MPP4: variants seen among roughly 807,000 people sequenced by gnomAD.
MPP4 encodes the protein MAGUK p55 scaffold protein 4.
A neutral mutation model predicts 98.3 loss-of-function variants in MPP4; 91 were observed. The observed-to-expected ratio is 0.93, with a 90% confidence interval of 0.78 to 1.10. MPP4 has a LOEUF of 1.10. Among genes scored for constraint, MPP4 ranks in the 50% least tolerant of loss-of-function variants. The pLI is 0.00. For synonymous variants in MPP4, 261 were observed against 271.8 expected (o/e 0.96, Z 0.39); for missense variants, 744 against 792.9 (o/e 0.94, Z 0.74).
chr2:201,657,159 G>A (rs1687868565), intron 16 of MPP4, among the ~76,000 whole-genome samples: 2 of 152,222 alleles, frequency 1.3e-5, no homozygotes, highest in African/African-American at 2.4e-5. Flanking sequence ...AGTGGTCTGG[G>A]TGGGAGATGA....
chr2:201,659,276 C>G (rs1687954294), intron 15 of MPP4, among the ~76,000 whole-genome samples: 1 of 151,964 alleles, frequency 6.6e-6, no homozygotes, highest in Admixed American at 6.6e-5. Context: ...TTTATTTTCT[C>G]CCTCTTAAAA....
intron 12 of MPP4, 114 bp downstream of exon 12, chr2:201,669,619 A>G (rs1688283836): frequency 4.3e-6 from 2 of 462,522 alleles, no homozygotes; most frequent in Admixed American, 4.4e-5. Context: ...ACTACTAGGT[A>G]TATAGGAAGA....
intron 11 of MPP4, chr2:201,673,475 T>C: frequency 5.4e-6 from 1 of 184,406 alleles, no homozygotes; most frequent in Non-Finnish European, 1.1e-5. Context: ...ATGTAGATAA[T>C]GGGTTAATAG....
At chr2:201,651,540 A>T in intron 18 of MPP4, 2 of 985,438 alleles carry the variant, frequency 2.0e-6, no homozygotes, top group Non-Finnish European at 2.4e-6. Context: ...TTAAAACCTC[A>T]ATTTAAAAAG....
At chr2:201,672,276 T>C (rs1688363661) in intron 11 of MPP4, among the ~76,000 whole-genome samples, 3 of 152,188 alleles carry the variant, frequency 2.0e-5, no homozygotes, top group South Asian at 4.1e-4. Flanking sequence ...GAGCACTAAA[T>C]GCCCACAGGA....
intron 10 of MPP4, among the ~76,000 whole-genome samples, chr2:201,677,623 A>G (rs1474666471): frequency 6.6e-6 from 1 of 152,180 alleles, no homozygotes; most frequent in Non-Finnish European, 1.5e-5. Flanking sequence ...CACTATTCCT[A>G]AGCACAATGC....
In MPP4 at chr2:201,682,898, T is replaced by C. The variant is rs1328257192; in HGVS notation, c.593A>G (p.Asp198Gly). ...AACTCCATTCACTTCTACCAGTTTG[T>C]CTCCAGCATATAGCAACCCTAGGCA... ...AERSGLLYAG[D>G]KLVEVNGVSV... Residue 198 changes from aspartate (D) to glycine (G), a missense_variant, in exon 8 of 22, where the codon GAC becomes GGC. Coordinates refer to ENST00000409474, the MANE Select transcript of MPP4 (RefSeq NM_033066.3). 6.2e-7 allele frequency: 1 copy of C among 1,613,596 alleles called. No homozygotes were observed. Among genetic ancestry groups the C allele is most frequent in the Non-Finnish European group, 8.5e-7 (1 of 1,179,810 alleles).
intron 13 of MPP4, 151 bp from the exon 14 acceptor site, chr2:201,664,252 T>C: frequency 1.3e-6 from 2 of 1,487,628 alleles, no homozygotes; most frequent in East Asian, 2.7e-5. Context: ...GAATCGATGG[T>C]GTCTCTATGG....
intron 8 of MPP4, among the ~76,000 whole-genome samples, chr2:201,682,453 G>T (rs1006655231): frequency 1.3e-5 from 2 of 152,188 alleles, no homozygotes; most frequent in Non-Finnish European, 2.9e-5. Context: ...AAGTGTTAGT[G>T]GGGGAAGGAG....
At chr2:201,660,376 C>T (rs767204536) in intron 14 of MPP4, 30 bp from the exon 15 acceptor site, 10 of 1,612,748 alleles carry the variant, frequency 6.2e-6, no homozygotes, top group East Asian at 2.2e-5. Flanking sequence ...CAGAAACAGA[C>T]ATGAAAAAGT....
chr2:201,687,675 C>T (rs1419772079), intron 4 of MPP4, among the ~76,000 whole-genome samples: 2 of 152,192 alleles, frequency 1.3e-5, no homozygotes, highest in Non-Finnish European at 2.9e-5. Context: ...TGAACCAAGG[C>T]ACTTTTCCTC....
intron 12 of MPP4, 85 bp from the exon 13 acceptor site, chr2:201,666,457 A>G: frequency 9.1e-7 from 1 of 1,102,076 alleles, no homozygotes; most frequent in Non-Finnish European, 1.3e-6. Flanking sequence ...ATGGTGGCTC[A>G]TGCCTGTGAT....
intron 20 of MPP4, among the ~76,000 whole-genome samples, chr2:201,648,271 T>C (rs1687620521): frequency 6.6e-6 from 1 of 152,118 alleles, no homozygotes; most frequent in Non-Finnish European, 1.5e-5. Context: ...AATCCTCCCA[T>C]CTCGGCTTTC....
At chr2:201,655,992 A>C (rs919711437) in intron 17 of MPP4, among the ~76,000 whole-genome samples, 1 of 152,264 alleles carries the variant, frequency 6.6e-6, no homozygotes. Flanking sequence ...GTCATAACAC[A>C]TTCACTTGTA....
chr2:201,652,024 T>C (rs1574598866), intron 18 of MPP4: 1 of 975,620 alleles, frequency 1.0e-6, no homozygotes, highest in East Asian at 1.1e-4. Context: ...TAGTTTTTGC[T>C]TTTCAGATTA....
intron 12 of MPP4, among the ~76,000 whole-genome samples, chr2:201,668,308 C>T (rs1688239521): frequency 6.6e-6 from 1 of 152,120 alleles, no homozygotes; most frequent in South Asian, 2.1e-4. Context: ...AGCCCTTGCC[C>T]TCAGTATGGC....
In MPP4 at chr2:201,693,014, A is replaced by T; in HGVS notation, c.95T>A (p.Leu32Gln). The T allele has an allele frequency of 6.2e-7, 1 of 1,612,148 alleles. No individual in the cohort carries two copies. The highest frequency in any genetic ancestry group is 8.5e-7 in the Non-Finnish European group (1 of 1,179,044). The stretch of plus-strand genomic sequence containing the variant: ...ACTCAGCTCTTGCAGCACAAGCCTC[A>T]GGATCTGGGAGAGGCCTAGGAAAGG... ...TNPQNGLSQI[L>Q]RLVLQELSLF... Residue 32 changes from leucine to glutamine, a missense_variant, in exon 3 of 22, where the codon CTG (leucine) becomes CAG (glutamine). Coordinates refer to ENST00000409474, the MANE Select transcript of MPP4 (RefSeq NM_033066.3).
chr2:201,658,089 G>A (rs141573336), intron 16 of MPP4, among the ~76,000 whole-genome samples: 9 of 152,010 alleles, frequency 5.9e-5, no homozygotes, highest in Admixed American at 2.6e-4. Flanking sequence ...AGCCCAGAGC[G>A]GTTTTACATG....
Position 201,656,240 on chromosome 2 carries a change from G to T in MPP4, c.1258C>A (p.Gln420Lys), listed in dbSNP as rs1400883605. 2.5e-6 allele frequency: 4 copies of T among 1,604,642 alleles called. No individual in the cohort carries two copies. In the South Asian group the frequency reaches 3.4e-5, roughly 14 times the overall value. Residue 420 changes from glutamine (Q) to lysine (K), a missense_variant, in exon 17 of 22, where the codon CAG becomes AAG. Coordinates refer to ENST00000409474, the MANE Select transcript of MPP4 (RefSeq NM_033066.3). The part of the protein sequence containing the change: ...GAPYEEVVRY[Q>K]RRPSDKYRLI... ...CGGTACTTGTCTGAAGGGCGTCGCT[G>T]GTACCTCACCACCTCCTCGTAAGGG...
Sources: gnomAD v4.1 joint callset for allele counts (sites outside exome capture counted in the v4.1 genomes callset) on GRCh38, gnomAD v4.1.1 for gene constraint, MANE v1.5 for transcripts, NCBI Gene and HGNC (gene_info 2026-07-23, HGNC 2026-07-21) for gene names.